The following HAPSTR1 variants were observed in gnomAD, a reference collection of about 807,000 sequenced individuals.
HAPSTR1 encodes HUWE1-associated protein modifying stress responses 1.
At chr16:9,116,531 T>A in the HAPSTR1 span, 1 of 1,136,954 alleles carries the variant, frequency 8.8e-7, no homozygotes, top group Non-Finnish European at 1.2e-6. Flanking sequence ...GAATAAAACT[T>A]AATTGCTTAC....
At chr16:9,107,506 T>C in the HAPSTR1 span, 1 of 152,252 alleles carries the variant, frequency 6.6e-6, no homozygotes, top group Non-Finnish European at 1.5e-5. Context: ...TGAGCTGTTG[T>C]TGCCAGTCCA....
chr16:9,114,009 C>T, the HAPSTR1 span, among the ~76,000 whole-genome samples: 11 of 152,140 alleles, frequency 7.2e-5, no homozygotes, highest in Admixed American at 5.9e-4. Context: ...TCGTAAGTGC[C>T]AGGCACTGTG....
chr16:9,101,269 A>G, the HAPSTR1 span, among the ~76,000 whole-genome samples: 1 of 152,294 alleles, frequency 6.6e-6, no homozygotes, highest in African/African-American at 2.4e-5. Flanking sequence ...GACCCTCTCT[A>G]CTGTTATTTA....
the HAPSTR1 span, chr16:9,091,668 G>C: frequency 1.8e-4 from 72 of 398,106 alleles, no homozygotes; most frequent in Non-Finnish European, 2.8e-4. Flanking sequence ...TGGGCTCCGC[G>C]GTGCAGGCCG....
the HAPSTR1 span, among the ~76,000 whole-genome samples, chr16:9,099,229 T>TG: frequency 3.3e-5 from 5 of 151,776 alleles, no homozygotes; most frequent in East Asian, 1.9e-4. Flanking sequence ...GATGGAGTCT[T>TG]GCGTGTCACC....
chr16:9,121,113 C>G, the HAPSTR1 span: 1 of 152,174 alleles, frequency 6.6e-6, no homozygotes, highest in Non-Finnish European at 1.5e-5. Context: ...CCACGCCCAG[C>G]TAATTTAATT....
At chr16:9,095,458 T>C in the HAPSTR1 span, among the ~76,000 whole-genome samples, 1 of 152,044 alleles carries the variant, frequency 6.6e-6, no homozygotes, top group East Asian at 1.9e-4. Flanking sequence ...GGGGAAAAAT[T>C]TGGTGGATAC....
the HAPSTR1 span, among the ~76,000 whole-genome samples, chr16:9,099,843 G>A: frequency 2.6e-5 from 4 of 152,298 alleles, no homozygotes; most frequent in African/African-American, 9.6e-5. Context: ...CAGTAAGCAT[G>A]CAGGTCTCCT....
the HAPSTR1 span, among the ~76,000 whole-genome samples, chr16:9,096,692 T>C: frequency 6.6e-6 from 1 of 152,222 alleles, no homozygotes; most frequent in East Asian, 1.9e-4. Context: ...TTTGAGACTT[T>C]GTTCAAAATA....
chr16:9,092,405 G>A, the HAPSTR1 span: 3 of 765,280 alleles, frequency 3.9e-6, no homozygotes, highest in Non-Finnish European at 5.2e-6. Flanking sequence ...TGGCTCCGCG[G>A]CCCTGCCGCC....
the HAPSTR1 span, among the ~76,000 whole-genome samples, chr16:9,098,349 A>G: frequency 2.0e-5 from 3 of 152,254 alleles, no homozygotes; most frequent in East Asian, 3.9e-4. Context: ...CACACAAAAT[A>G]TTATCCCCCT....
the HAPSTR1 span, among the ~76,000 whole-genome samples, chr16:9,095,376 C>T: frequency 6.6e-6 from 1 of 152,086 alleles, no homozygotes. Flanking sequence ...CAAGTGCATG[C>T]AGCAGTAAGT....
the HAPSTR1 span, chr16:9,092,330 G>C: frequency 7.7e-7 from 1 of 1,301,850 alleles, no homozygotes; most frequent in Non-Finnish European, 9.8e-7. Flanking sequence ...CCCGGCCCCG[G>C]CCCTATCGGC....
At chr16:9,105,669 A>G in the HAPSTR1 span, 1 of 152,218 alleles carries the variant, frequency 6.6e-6, no homozygotes, top group Non-Finnish European at 1.5e-5. Flanking sequence ...GGGTAAATAC[A>G]ATGTCACAAT....
the HAPSTR1 span, chr16:9,119,876 G>A: frequency 6.6e-6 from 1 of 152,186 alleles, no homozygotes; most frequent in Non-Finnish European, 1.5e-5. Context: ...CCATTCAACA[G>A]TGAAAACTGG....
the HAPSTR1 span, chr16:9,091,881 C>A: frequency 2.1e-6 from 1 of 483,556 alleles, no homozygotes; most frequent in Non-Finnish European, 3.3e-6. Flanking sequence ...CGGGGCGGGG[C>A]TCGCCGGCCG....
the HAPSTR1 span, among the ~76,000 whole-genome samples, chr16:9,116,449 G>A: frequency 1.9e-4 from 29 of 152,252 alleles, no homozygotes; most frequent in Non-Finnish European, 2.2e-4. Context: ...GTAATTGGTA[G>A]TTACCAATAT....
chr16:9,091,727 G>A, the HAPSTR1 span: 6 of 399,692 alleles, frequency 1.5e-5, no homozygotes, highest in Non-Finnish European at 2.2e-5. Context: ...CAGTGGGGAG[G>A]CCGCAGCGCC....
At chr16:9,102,942 A>C in the HAPSTR1 span, 2 of 1,592,128 alleles carry the variant, frequency 1.3e-6, no homozygotes, top group Non-Finnish European at 8.6e-7. Context: ...TACGGGCTCT[A>C]ATGGTCATGA....
Sources: allele counts gnomAD v4.1 joint callset (sites outside exome capture counted in the v4.1 genomes callset), GRCh38; gene constraint gnomAD v4.1.1; transcripts MANE v1.5; gene names NCBI Gene and HGNC (gene_info 2026-07-23, HGNC 2026-07-21).